RBBP6: variants seen among roughly 807,000 people sequenced by gnomAD.
RBBP6 encodes RB binding protein 6, ubiquitin ligase, also known as E3 ubiquitin-protein ligase RBBP6.
Under a neutral mutation model 167.7 loss-of-function variants are expected in RBBP6, and 25 were observed. The ratio of observed to expected loss-of-function variants is 0.15; its 90% CI spans 0.11 to 0.21. RBBP6 has a LOEUF of 0.21. Ranked by LOEUF, RBBP6 falls within the 10% of genes least tolerant of loss-of-function variation. RBBP6 has a pLI of 1.00. For synonymous variants in RBBP6, 789 were observed against 735.8 expected (o/e 1.07, Z -1.17); for missense variants, 1,868 against 2,134.2 (o/e 0.88, Z 2.46).
chr16:24,561,563 CT>C (rs34473709), intron 8 of RBBP6, 48 bp from the exon 9 acceptor site: 3 of 1,477,262 alleles, frequency 2.0e-6, no homozygotes, highest in East Asian at 4.5e-5. Context: ...TTCGTAAACA[CT>C]TTGAGTTCCT....
Position 24,569,639 on chromosome 16 carries a change from C to T in RBBP6, c.2949C>T (p.Ala983=). 6.2e-7 allele frequency: 1 copy of T among 1,612,736 alleles called. No homozygotes were observed. The highest frequency in any genetic ancestry group is 8.5e-7 in the Non-Finnish European group (1 of 1,179,726). The part of the protein sequence containing the change: ...SLFVLPSRDD[A]TPVRDEPMDA... ...TTGTTCTCCCAAGTAGAGATGATGCCACACCTGTTAGAGATGAACCAATGG... is the reference window on the plus strand; with the variant it reads ...TTGTTCTCCCAAGTAGAGATGATGCTACACCTGTTAGAGATGAACCAATGG... Residue 983 remains alanine (A), a synonymous_variant, in exon 17 of 18, where the codon GCC becomes GCT. Transcript: ENST00000319715.
Position 24,561,865 on chromosome 16 carries a change from A to G in RBBP6, c.993A>G (p.Arg331=). 1.2e-6 allele frequency: 2 copies of G among 1,613,206 alleles called. No individual in the cohort carries two copies. The highest frequency in any genetic ancestry group is 1.7e-6 in the Non-Finnish European group (2 of 1,179,542). The change falls in exon 10 of 18, where the codon AGA becomes AGG. Residue 331 remains arginine, a synonymous_variant. Transcript: ENST00000319715. ...AAAATGAAACTGGCTATACAAAAAG[A>G]CTACGAAAACAGTTACCTCCTCCAC... ...NFKNETGYTK[R]LRKQLPPPPP...
At chr16:24,553,332 A>G in intron 3 of RBBP6, 181 bp from the exon 4 acceptor site, 1 of 492,876 alleles carries the variant, frequency 2.0e-6, no homozygotes, top group Non-Finnish European at 3.7e-6. Context: ...GCTTTTTATA[A>G]CTGTGTGAAA....
chr16:24,546,945 C>T (rs967230477), intron 2 of RBBP6, among the ~76,000 whole-genome samples: 2 of 152,140 alleles, frequency 1.3e-5, no homozygotes, highest in East Asian at 1.9e-4. Context: ...ACAACTAGTC[C>T]GGAGCTGGTA....
chr16:24,546,582 C>T (rs1270162194), intron 2 of RBBP6, among the ~76,000 whole-genome samples: 2 of 152,144 alleles, frequency 1.3e-5, no homozygotes, highest in East Asian at 3.8e-4. Context: ...GGGGTTCCTT[C>T]AGTTTTCTTC....
chr16:24,569,045 T>A lies in RBBP6; in HGVS notation c.2355T>A (p.Asn785Lys). Reference sequence around the variant, plus strand: ...GGGGACAGTCTCCTAATAAACGTAATGTACCTCAAGGGGAAACAGAACGTG... The same window carrying A: ...GGGGACAGTCTCCTAATAAACGTAAAGTACCTCAAGGGGAAACAGAACGTG... ...AFRGQSPNKR[N>K]VPQGETEREY... The change falls in exon 17 of 18, where the codon AAT becomes AAA. Residue 785 changes from asparagine to lysine, a missense_variant. Asn to Lys is a moderately conservative substitution (Grantham distance 94). This residue lies in a region of RBBP6 where 673 missense variants were observed against 691.5 expected (regional missense o/e 0.97). Transcript: ENST00000319715. 1 of 1,614,150 alleles carries A rather than the reference T, an allele frequency of 6.2e-7. No individual in the cohort carries two copies. The highest frequency in any genetic ancestry group is 8.5e-7 in the Non-Finnish European group (1 of 1,180,020).
At position 24,572,450 on chromosome 16, in the gene RBBP6, A is replaced by G. The variant is rs1010596661; in HGVS notation, c.*5A>G. On this transcript the variant is annotated 3_prime_UTR_variant, in exon 18 of 18. Coordinates refer to ENST00000319715, the MANE Select transcript of RBBP6 (RefSeq NM_006910.5). ...GTGAAATCTGTCACTGTGTAAAAAG[A>G]CAGATTTTTTAAATTGACTTAATTA... 6.6e-7 allele frequency: 1 copy of G among 1,513,752 alleles called. No homozygotes were observed. The highest frequency in any genetic ancestry group is 8.8e-7 in the Non-Finnish European group (1 of 1,136,450). 93.8% of individuals were successfully genotyped at this position (1,513,752 alleles called of 1,614,324 possible). A position where few individuals can be genotyped will look rare whatever the true frequency, so the allele number is the denominator to read the frequency against.
intron 1 of RBBP6, among the ~76,000 whole-genome samples, chr16:24,541,401 G>C (rs960818178): frequency 5.9e-5 from 9 of 152,066 alleles, no homozygotes; most frequent in African/African-American, 2.2e-4. Flanking sequence ...TGATGTCACC[G>C]CTCTTGTCTT....
At chr16:24,548,195 T>G (rs528233903) in intron 2 of RBBP6, among the ~76,000 whole-genome samples, 1 of 152,324 alleles carries the variant, frequency 6.6e-6, no homozygotes, top group African/African-American at 2.4e-5. Flanking sequence ...AAATAATTTC[T>G]TTTGGGGTTT....
chr16:24,545,166 G>C (rs935289449), intron 1 of RBBP6, among the ~76,000 whole-genome samples: 3 of 152,074 alleles, frequency 2.0e-5, no homozygotes, highest in African/African-American at 4.8e-5. Context: ...CAGCCTCCCA[G>C]GTTCATGCCA....
chr16:24,561,441 A>G (rs570337882), intron 8 of RBBP6, among the ~76,000 whole-genome samples, 171 bp from the exon 9 acceptor site: 89 of 152,338 alleles, frequency 5.8e-4, no homozygotes, highest in Middle Eastern at 3.4e-3. Flanking sequence ...GCAGAGGAGT[A>G]CTGTAAGATG....
chr16:24,542,618 C>G (rs958405311), intron 1 of RBBP6, among the ~76,000 whole-genome samples: 2 of 152,106 alleles, frequency 1.3e-5, no homozygotes, highest in African/African-American at 4.8e-5. Context: ...GCCACTACAC[C>G]CAGCTAATTT....
chr16:24,552,572 G>A (rs939111032), intron 3 of RBBP6, among the ~76,000 whole-genome samples: 3 of 151,786 alleles, frequency 2.0e-5, no homozygotes, highest in African/African-American at 7.2e-5. Context: ...AAAAAAATTA[G>A]TGTTCAATTT....
chr16:24,567,713 C>T, intron 15 of RBBP6, 79 bp from the exon 16 acceptor site: 1 of 1,336,906 alleles, frequency 7.5e-7, no homozygotes, highest in South Asian at 1.3e-5. Flanking sequence ...TCATTTCATT[C>T]ATGATCTAAT....
intron 4 of RBBP6, 199 bp from the exon 5 acceptor site, chr16:24,555,416 T>C: frequency 2.1e-6 from 1 of 482,340 alleles, no homozygotes; most frequent in South Asian, 3.1e-5. Context: ...AATGACTTTC[T>C]TCAGCCTTGC....
Position 24,571,364 on chromosome 16 carries a change from G to T in RBBP6, c.4298G>T (p.Arg1433Leu). Reference protein sequence around the residue: ...TQPEKESNLDRLNEQGNFKSL... With the variant: ...TQPEKESNLDLLNEQGNFKSL... ...CCAGAGAAAGAGAGTAATTTGGACC[G>T]TCTGAATGAACAAGGAAATTTTAAA... The change falls in exon 18 of 18, where the codon CGT becomes CTT. Residue 1433 changes from arginine (R) to leucine (L), a missense_variant. By Grantham distance (102) the Arg-to-Leu change is moderately radical. Around this residue, in one of 7 missense-constraint regions of RBBP6, gnomAD observed 591 missense variants for 540.5 expected, o/e 1.09. Coordinates refer to ENST00000319715, the MANE Select transcript of RBBP6 (RefSeq NM_006910.5). The T allele has an allele frequency of 6.2e-7, 1 of 1,614,040 alleles. No individual in the cohort carries two copies. The highest frequency in any genetic ancestry group is 8.5e-7 in the Non-Finnish European group (1 of 1,180,010).
chr16:24,561,178 C>T (rs1332383455), intron 8 of RBBP6, among the ~76,000 whole-genome samples: 4 of 151,784 alleles, frequency 2.6e-5, no homozygotes, highest in Admixed American at 2.6e-4. Context: ...TTGTTTTCTA[C>T]AATATTCCAG....
rs772157873 is a variant in RBBP6, at chr16:24,571,249, T to A, written c.4183T>A (p.Ser1395Thr). ...IQHEVKSSKN[S>T]ASSEKGKTKD... ...ACATGAGGTTAAAAGTTCAAAAAACTCTGCATCTAGTGAAAAAGGGAAAAC... is the reference window on the plus strand; with the variant it reads ...ACATGAGGTTAAAAGTTCAAAAAACACTGCATCTAGTGAAAAAGGGAAAAC... The change falls in exon 18 of 18, where the codon TCT becomes ACT. Residue 1395 changes from serine to threonine, a missense_variant. By Grantham distance (58) the Ser-to-Thr change is moderately conservative. Around this residue, in one of 7 missense-constraint regions of RBBP6, gnomAD observed 591 missense variants for 540.5 expected, o/e 1.09. Transcript: ENST00000319715. The A allele has an allele frequency of 2.5e-6, 4 of 1,612,242 alleles. No homozygotes were observed. Among genetic ancestry groups the A allele is most frequent in the East Asian group, 4.5e-5 (2 of 44,864 alleles).
chr16:24,541,196 AAAAAAAAC>A (rs1898482537), intron 1 of RBBP6, among the ~76,000 whole-genome samples: 2 of 134,526 alleles, frequency 1.5e-5, no homozygotes, highest in African/African-American at 5.9e-5. Context: ...AAAAAAACAA[AAAAAAAAC>A]CAAAAAAACA....
Sources: gnomAD v4.1 joint callset for allele counts (sites outside exome capture counted in the v4.1 genomes callset) on GRCh38, gnomAD v4.1.1 for gene constraint, gnomAD v4.1.1 regional missense constraint, MANE v1.5 for transcripts, NCBI Gene and HGNC (gene_info 2026-07-23, HGNC 2026-07-21) for gene names.